NRXN3: variants seen among roughly 807,000 people sequenced by gnomAD.
NRXN3 encodes neurexin III.
NRXN3 carries 32 observed loss-of-function variants against 137.6 expected under a neutral mutation model. The observed-to-expected ratio is 0.23, with a 90% CI of 0.18 to 0.31. The LOEUF (loss-of-function observed/expected upper bound fraction) is 0.31, where lower values mean the gene tolerates loss of function less well. Ranked by LOEUF, NRXN3 falls within the 10% of genes least tolerant of loss-of-function variation. NRXN3 has a pLI of 1.00. For synonymous variants in NRXN3, 798 were observed against 784.5 expected (o/e 1.02, Z -0.29); for missense variants, 1,574 against 2,062.5 (o/e 0.76, Z 4.59).
At chr14:79,611,449 A>G (rs1003133061) in intron 16 of NRXN3, 1 of 152,254 alleles carries the variant, frequency 6.6e-6, no homozygotes. Flanking sequence ...AATACAAAAA[A>G]TTAGCCGGGC....
intron 16 of NRXN3, among the ~76,000 whole-genome samples, chr14:79,512,194 C>T (rs1309645151): frequency 1.3e-5 from 2 of 152,100 alleles, no homozygotes; most frequent in African/African-American, 2.4e-5. Flanking sequence ...CCACTGTGCC[C>T]GGCCTTATAA....
chr14:79,107,671 A>G (rs1293582299), intron 15 of NRXN3, among the ~76,000 whole-genome samples: 2 of 152,132 alleles, frequency 1.3e-5, no homozygotes, highest in Non-Finnish European at 2.9e-5. Flanking sequence ...TGCTAACAAC[A>G]TTTGCCAGTG....
At chr14:79,684,302 G>A (rs945259713) in intron 17 of NRXN3, among the ~76,000 whole-genome samples, 2 of 151,918 alleles carry the variant, frequency 1.3e-5, no homozygotes, top group African/African-American at 4.8e-5. Flanking sequence ...CTAGAAACTG[G>A]CTTGAGTTTT....
At chr14:78,724,012 T>C (rs955822610) in intron 8 of NRXN3, among the ~76,000 whole-genome samples, 3 of 152,242 alleles carry the variant, frequency 2.0e-5, no homozygotes, top group Non-Finnish European at 2.9e-5. Flanking sequence ...CTGTTATGAC[T>C]GTAGTGATCT....
intron 8 of NRXN3, among the ~76,000 whole-genome samples, chr14:78,781,531 C>T (rs1182614897): frequency 6.6e-6 from 1 of 152,164 alleles, no homozygotes; most frequent in East Asian, 1.9e-4. Context: ...TAGGTTTATT[C>T]ACAAAGTTCT....
intron 8 of NRXN3, among the ~76,000 whole-genome samples, chr14:78,758,161 G>T (rs1219172946): frequency 6.6e-6 from 1 of 152,098 alleles, no homozygotes; most frequent in Non-Finnish European, 1.5e-5. Context: ...CTGGAGAATT[G>T]GTACCTGCTC....
chr14:79,832,396 T>C (rs976680305), intron 20 of NRXN3, among the ~76,000 whole-genome samples: 3 of 152,200 alleles, frequency 2.0e-5, no homozygotes, highest in African/African-American at 4.8e-5. Flanking sequence ...CCTGGCTCAA[T>C]AGAGCCAGTA....
In NRXN3 at chr14:79,407,203, A is replaced by G. The variant is rs547939931; in HGVS notation, c.3263-60018A>G. ...TTTAAAATTTTTTGTGTGTCTCCAT[A>G]TTTGACTTTCTGTCTCCCATTCTCA... On this transcript the variant is annotated intron_variant, in intron 15 of 20. Transcript: ENST00000335750. Among the ~76,000 whole-genome samples, 11 of 152,248 alleles carry G rather than the reference A, an allele frequency of 7.2e-5. No homozygotes were observed. The East Asian group carries it at 1.5e-3, about 21-fold the overall frequency.
intron 15 of NRXN3, among the ~76,000 whole-genome samples, chr14:79,301,730 GGTGT>G (rs112815653): frequency 0.015 from 2,218 of 150,748 alleles, 62 homozygotes; most frequent in African/African-American, 0.051. Context: ...GTATTTGTGG[GGTGT>G]GTGTGTGTGT....
At chr14:79,032,650 C>T (rs779200967) in intron 15 of NRXN3, among the ~76,000 whole-genome samples, 44 of 152,184 alleles carry the variant, frequency 2.9e-4, no homozygotes, top group Non-Finnish European at 4.9e-4. Context: ...CATCTTTCTT[C>T]CACTTAAATT....
chr14:79,832,591 G>T (rs1377005714), intron 20 of NRXN3, among the ~76,000 whole-genome samples: 1 of 151,984 alleles, frequency 6.6e-6, no homozygotes, highest in Non-Finnish European at 1.5e-5. Context: ...AGAGGTCAGG[G>T]GTGTTGCCAA....
At chr14:78,946,907 G>A (rs763175951) in intron 10 of NRXN3, among the ~76,000 whole-genome samples, 33 of 152,120 alleles carry the variant, frequency 2.2e-4, no homozygotes, top group Non-Finnish European at 7.4e-5. Context: ...TGATGTTCTA[G>A]TTTTAATTAT....
At chr14:78,895,314 C>T (rs982705776) in intron 10 of NRXN3, among the ~76,000 whole-genome samples, 4 of 151,914 alleles carry the variant, frequency 2.6e-5, no homozygotes, top group Non-Finnish European at 4.4e-5. Context: ...GCCGCTTTAC[C>T]TTGTGCTTTT....
At chr14:78,675,449 G>A (rs1447125895) in intron 6 of NRXN3, among the ~76,000 whole-genome samples, 2 of 152,172 alleles carry the variant, frequency 1.3e-5, no homozygotes, top group African/African-American at 4.8e-5. Flanking sequence ...AGAGTAACTG[G>A]TCCAGTGCAT....
chr14:78,527,821 ATCTC>A (rs1422694780), intron 4 of NRXN3, among the ~76,000 whole-genome samples: 1 of 152,220 alleles, frequency 6.6e-6, no homozygotes, highest in Non-Finnish European at 1.5e-5. Context: ...ACAGGACAAT[ATCTC>A]TCTTATTGAG....
chr14:79,594,772 G>C (rs180958924), intron 16 of NRXN3, among the ~76,000 whole-genome samples: 1 of 152,170 alleles, frequency 6.6e-6, no homozygotes, highest in Non-Finnish European at 1.5e-5. Flanking sequence ...TCAGATTTCA[G>C]TCCTCGGGGG....
At chr14:78,215,732 C>T (rs754021108) in intron 1 of NRXN3, among the ~76,000 whole-genome samples, 25 of 121,974 alleles carry the variant, frequency 2.0e-4, no homozygotes, top group Non-Finnish European at 3.1e-4. Flanking sequence ...TGGGAAGTTT[C>T]GTTTGTGCTG....
chr14:79,296,116 T>G (rs1391395551), intron 15 of NRXN3, among the ~76,000 whole-genome samples: 3 of 152,172 alleles, frequency 2.0e-5, no homozygotes, highest in African/African-American at 7.2e-5. Context: ...CTCATTAGGC[T>G]CTGCCTTTCT....
At chr14:79,855,448 G>A (rs1039277536) in intron 20 of NRXN3, among the ~76,000 whole-genome samples, 7 of 152,012 alleles carry the variant, frequency 4.6e-5, no homozygotes, top group Admixed American at 3.3e-4. Context: ...TTGACATGCT[G>A]GATAATATTT....
Sources: allele counts gnomAD v4.1 joint callset (sites outside exome capture counted in the v4.1 genomes callset), GRCh38; gene constraint gnomAD v4.1.1; transcripts MANE v1.5; gene names NCBI Gene and HGNC (gene_info 2026-07-23, HGNC 2026-07-21).